EEF2K: variants seen among roughly 807,000 people sequenced by gnomAD.
EEF2K encodes eukaryotic elongation factor 2 kinase.
A neutral mutation model predicts 93.8 loss-of-function variants in EEF2K; 70 were observed. The observed-to-expected ratio is 0.75, with a 90% CI of 0.62 to 0.91. EEF2K has a LOEUF of 0.91. Ranked by LOEUF, EEF2K falls within the 40% of genes least tolerant of loss-of-function variation. The pLI is 0.00. For synonymous variants in EEF2K, 376 were observed against 380.8 expected, an observed-to-expected ratio of 0.99 and a Z score of 0.15; for missense variants, 935 against 972.9, an observed-to-expected ratio of 0.96 and a Z score of 0.52.
chr16:22,237,151 A>G (rs2047176410), intron 2 of EEF2K, among the ~76,000 whole-genome samples: 1 of 150,774 alleles, frequency 6.6e-6, no homozygotes. Context: ...CACCATGTTC[A>G]CCAGACTGGT....
At position 22,206,501 on chromosome 16, in the gene EEF2K, C is replaced by A. The variant is rs1364167111; in HGVS notation, c.-255C>A. The A allele has an allele frequency of 6.6e-6, 1 of 152,444 alleles. No homozygotes were observed. Among genetic ancestry groups the A allele is most frequent in the Non-Finnish European group, 1.5e-5 (1 of 68,284 alleles). 9.4% of individuals were successfully genotyped at this position (152,444 alleles called of 1,614,324 possible). ...CGCCCTGGGATCGGTCCATCTACCC[C>A]GCGTGGCCCCAGCTGCTTGCCCGGA... On this transcript the variant is annotated 5_prime_UTR_variant, in exon 1 of 18. Coordinates refer to ENST00000263026, the MANE Select transcript of EEF2K (RefSeq NM_013302.5).
chr16:22,230,830 A>G (rs996564529), intron 2 of EEF2K, among the ~76,000 whole-genome samples: 3 of 152,106 alleles, frequency 2.0e-5, no homozygotes, highest in Non-Finnish European at 2.9e-5. Context: ...GTCTCATACT[A>G]TGTTGCTTAG....
intron 1 of EEF2K, among the ~76,000 whole-genome samples, chr16:22,209,954 G>C (rs2010766): frequency 0.43 from 64,704 of 152,018 alleles, 15,684 homozygotes; most frequent in East Asian, 0.88. Context: ...TACCACCATG[G>C]CTGGCTAACT....
At chr16:22,212,661 A>G (rs2046926252) in intron 1 of EEF2K, among the ~76,000 whole-genome samples, 1 of 151,940 alleles carries the variant, frequency 6.6e-6, no homozygotes, top group African/African-American at 2.4e-5. Flanking sequence ...TTGTTTTTAA[A>G]AGGAAAAGGG....
At chr16:22,266,579 C>A in intron 14 of EEF2K, 55 bp downstream of exon 14, 1 of 1,604,320 alleles carries the variant, frequency 6.2e-7, no homozygotes, top group Non-Finnish European at 8.5e-7. Context: ...AGCCCCCCAG[C>A]TCCAGCCTCT....
intron 6 of EEF2K, among the ~76,000 whole-genome samples, chr16:22,256,100 T>A (rs2047396119): frequency 6.6e-6 from 1 of 151,760 alleles, no homozygotes; most frequent in African/African-American, 2.4e-5. Flanking sequence ...TTTTATTTTA[T>A]TAATTTTTTT....
Position 22,225,905 on chromosome 16 carries a change from A to G in EEF2K, c.176A>G (p.Tyr59Cys), listed in dbSNP as rs771730696. The part of the protein sequence containing the change: ...NQNVNSKVNK[Y>C]YSNLTKSERY... ...AATGTCAATTCCAAGGTTAATAAGTACTACAGCAACCTAACAAAAAGTGAG... is the reference window on the plus strand; with the variant it reads ...AATGTCAATTCCAAGGTTAATAAGTGCTACAGCAACCTAACAAAAAGTGAG... Residue 59 changes from tyrosine to cysteine, a missense_variant, in exon 2 of 18, where the codon TAC (tyrosine) becomes TGC (cysteine). By Grantham distance (194) the Tyr-to-Cys change is radical. Transcript: ENST00000263026. 4 of 1,614,168 alleles carry G rather than the reference A, an allele frequency of 2.5e-6. No individual in the cohort carries two copies. Among genetic ancestry groups the G allele is most frequent in the Non-Finnish European group, 3.4e-6 (4 of 1,180,030 alleles).
Position 22,217,745 on chromosome 16 carries a change from G to A in EEF2K, c.-76-7909G>A, listed in dbSNP as rs559494257. Among the ~76,000 whole-genome samples the A allele has an allele frequency of 3.3e-5, 5 of 152,250 alleles. No homozygotes were observed. The East Asian group carries it at 9.7e-4, about 29-fold the overall frequency. The stretch of plus-strand genomic sequence containing the variant: ...TGAGATTACAGGCGTGAGCCACCGT[G>A]CCTGGCTGGTTTGGGGATTTTCATA... On this transcript the variant is annotated intron_variant, in intron 1 of 17. Coordinates refer to ENST00000263026, the MANE Select transcript of EEF2K (RefSeq NM_013302.5).
intron 15 of EEF2K, among the ~76,000 whole-genome samples, chr16:22,269,867 T>TAC (rs928958405): frequency 2.0e-5 from 3 of 152,242 alleles, no homozygotes; most frequent in African/African-American, 7.2e-5. Context: ...GTTAGCATCC[T>TAC]ACACACACAC....
intron 13 of EEF2K, among the ~76,000 whole-genome samples, chr16:22,265,685 G>A (rs930811766): frequency 2.0e-5 from 3 of 152,240 alleles, no homozygotes; most frequent in African/African-American, 7.2e-5. Flanking sequence ...GCTACCCTGT[G>A]CATTGCAAGA....
chr16:22,265,097 T>TA, intron 13 of EEF2K: 1 of 525,804 alleles, frequency 1.9e-6, no homozygotes, highest in Non-Finnish European at 3.4e-6. Flanking sequence ...GAAGAGCAGC[T>TA]CAGCCCCATC....
intron 11 of EEF2K, among the ~76,000 whole-genome samples, chr16:22,261,723 G>A: frequency 6.6e-6 from 1 of 151,626 alleles, no homozygotes; most frequent in African/African-American, 2.4e-5. Context: ...TCTTAGTAGA[G>A]GCGGGGTGTG....
chr16:22,212,325 TTTC>T (rs2046922521), intron 1 of EEF2K, among the ~76,000 whole-genome samples: 1 of 151,804 alleles, frequency 6.6e-6, no homozygotes, highest in Non-Finnish European at 1.5e-5. Flanking sequence ...TCTCTGTCTC[TTTC>T]TTTTTTTTTT....
rs2047482729 is a variant in EEF2K, at chr16:22,263,137, T to A, written c.1327T>A (p.Tyr443Asn). 2.5e-6 allele frequency: 4 copies of A among 1,612,412 alleles called. No homozygotes were observed. Among genetic ancestry groups the A allele is most frequent in the Non-Finnish European group, 3.4e-6 (4 of 1,179,196 alleles). ...RESENSGDSG[Y>N]PSEKRGELDD... Reference sequence around the variant, plus strand: ...GTCTGAGAATAGTGGGGACAGCGGATACCCCAGTGAGAAGCGGGGTGAGCT... The same window carrying A: ...GTCTGAGAATAGTGGGGACAGCGGAAACCCCAGTGAGAAGCGGGGTGAGCT... The change falls in exon 12 of 18, where the codon TAC (tyrosine) becomes AAC (asparagine). Residue 443 changes from tyrosine to asparagine, a missense_variant. Tyr to Asn is a moderately radical substitution (Grantham distance 143). Coordinates refer to ENST00000263026, the MANE Select transcript of EEF2K (RefSeq NM_013302.5).
chr16:22,241,289 C>T (rs748865819), intron 2 of EEF2K, among the ~76,000 whole-genome samples: 9 of 152,032 alleles, frequency 5.9e-5, no homozygotes, highest in Non-Finnish European at 1.3e-4. Context: ...CACAAAATCC[C>T]ATTGACCCAC....
At chr16:22,244,456 G>A (rs1368218417) in intron 2 of EEF2K, among the ~76,000 whole-genome samples, 174 bp from the exon 3 acceptor site, 5 of 152,032 alleles carry the variant, frequency 3.3e-5, no homozygotes, top group Non-Finnish European at 7.4e-5. Context: ...GCCTGTGAGT[G>A]CAGATAGGTT....
chr16:22,280,438 C>T, intron 17 of EEF2K, 62 bp downstream of exon 17: 9 of 1,358,870 alleles, frequency 6.6e-6, no homozygotes, highest in Non-Finnish European at 8.6e-6. Flanking sequence ...AACCTAATTT[C>T]CATTCCACTG....
chr16:22,278,563 C>A lies in EEF2K; in HGVS notation c.1890-1635C>A, dbSNP rs143333351. Among the ~76,000 whole-genome samples, 84 of 152,246 alleles carry A rather than the reference C, an allele frequency of 5.5e-4. 1 individual carries two copies. The East Asian group carries it at 0.011, about 20-fold the overall frequency. ...CAAAGGTAGACAAACAGGAGACCGT[C>A]CTGGAGGGCAGCGCCTGTCAGACAG... On this transcript the variant is annotated intron_variant, in intron 16 of 17. Coordinates refer to ENST00000263026, the MANE Select transcript of EEF2K (RefSeq NM_013302.5).
intron 1 of EEF2K, among the ~76,000 whole-genome samples, chr16:22,210,352 G>A (rs2142097603): frequency 6.6e-6 from 1 of 152,324 alleles, no homozygotes; most frequent in South Asian, 2.1e-4. Context: ...CCCTAGGCCA[G>A]CGTTTCTCTA....
Sources: gnomAD v4.1 joint callset for allele counts (sites outside exome capture counted in the v4.1 genomes callset) on GRCh38, gnomAD v4.1.1 for gene constraint, MANE v1.5 for transcripts, NCBI Gene and HGNC (gene_info 2026-07-23, HGNC 2026-07-21) for gene names.